Variants in PTPN12 observed in about 807,000 individuals in gnomAD.
The protein encoded by PTPN12 is tyrosine-protein phosphatase non-receptor type 12.
PTPN12 carries 29 observed loss-of-function variants against 97.6 expected under a neutral mutation model. The ratio of observed to expected loss-of-function variants is 0.30; its 90% CI spans 0.22 to 0.41. The LOEUF (loss-of-function observed/expected upper bound fraction) is 0.41, where lower values mean the gene tolerates loss of function less well. Among genes scored for constraint, PTPN12 ranks in the 10% least tolerant of loss-of-function variants. The pLI, the probability that PTPN12 is intolerant of heterozygous loss-of-function variation, is 1.00. For synonymous variants in PTPN12, 327 were observed against 300.4 expected (o/e 1.09, Z -0.91); for missense variants, 819 against 926.0 (o/e 0.88, Z 1.50).
intron 8 of PTPN12, 56 bp downstream of exon 8, chr7:77,600,862 A>G (rs898428983): frequency 7.1e-6 from 10 of 1,413,276 alleles, no homozygotes; most frequent in African/African-American, 2.9e-5. Flanking sequence ...ATGTTACACA[A>G]GGTTTTATTT....
chr7:77,570,911 A>G (rs1266591526), intron 1 of PTPN12, among the ~76,000 whole-genome samples, 167 bp from the exon 2 acceptor site: 1 of 152,216 alleles, frequency 6.6e-6, no homozygotes, highest in Non-Finnish European at 1.5e-5. Context: ...GTTTGCACTT[A>G]TGCTATAAAA....
In PTPN12 at chr7:77,627,326, T is replaced by C; in HGVS notation, c.1647T>C (p.Asp549=). Residue 549 remains aspartate, a synonymous_variant, in exon 13 of 18, where the codon GAT becomes GAC. Coordinates refer to ENST00000248594, the MANE Select transcript of PTPN12 (RefSeq NM_002835.4). ...CTGAAAATGCCATACCCATACCTGA[T>C]TTATCTGAAGGCAATTCCTCAGATA... is the stretch of plus-strand genomic sequence containing the variant. ...HGPENAIPIP[D]LSEGNSSDIN... 6.2e-7 allele frequency: 1 copy of C among 1,614,186 alleles called. No individual in the cohort carries two copies. The highest frequency in any genetic ancestry group is 8.5e-7 in the Non-Finnish European group (1 of 1,180,026).
chr7:77,639,566 T>G lies in PTPN12; in HGVS notation c.*286T>G, dbSNP rs1004559932. The G allele has an allele frequency of 6.3e-6, 2 of 315,016 alleles. No individual in the cohort carries two copies. The highest frequency in any genetic ancestry group is 1.2e-5 in the Non-Finnish European group (2 of 172,548). The allele number at this position is 315,016 out of a possible 1,614,324, so 19.5% of individuals were successfully genotyped here. On this transcript the variant is annotated 3_prime_UTR_variant, in exon 18 of 18. Transcript: ENST00000248594. ...GTAATACCTTTATGATATATTGAGT[T>G]TAAGGACTACTCTTTTTCTGTTTTA...
chr7:77,574,699 G>A (rs977155352), intron 2 of PTPN12, among the ~76,000 whole-genome samples: 1 of 152,224 alleles, frequency 6.6e-6, no homozygotes, highest in Non-Finnish European at 1.5e-5. Context: ...TGTCAGCGTT[G>A]AGAGACCTTG....
chr7:77,600,936 C>T, intron 8 of PTPN12, 130 bp downstream of exon 8: 1 of 767,860 alleles, frequency 1.3e-6, no homozygotes, highest in East Asian at 2.7e-5. Context: ...GGGACTAGGG[C>T]CTTGTAAGTT....
At chr7:77,606,243 T>C (rs1788370426) in intron 8 of PTPN12, among the ~76,000 whole-genome samples, 2 of 152,284 alleles carry the variant, frequency 1.3e-5, no homozygotes, top group Admixed American at 6.5e-5. Context: ...CATGAGCCCC[T>C]GCGCCCAGCC....
chr7:77,600,885 G>C, intron 8 of PTPN12, 79 bp downstream of exon 8: 1 of 1,228,706 alleles, frequency 8.1e-7, no homozygotes, highest in Non-Finnish European at 1.1e-6. Flanking sequence ...GCATTAATAT[G>C]TTAGTAATCT....
chr7:77,636,812 T>G (rs972668603), intron 15 of PTPN12: 2 of 431,894 alleles, frequency 4.6e-6, no homozygotes, highest in African/African-American at 4.0e-5. Flanking sequence ...TTTTCAGTGC[T>G]CATCCAGAAA....
At chr7:77,623,012 CAAA>C (rs34769333) in intron 12 of PTPN12, among the ~76,000 whole-genome samples, 2 of 118,164 alleles carry the variant, frequency 1.7e-5, no homozygotes, top group South Asian at 2.7e-4. Context: ...AAGAAATTAG[CAAA>C]AAAAAAAAAG....
At chr7:77,548,064 T>C (rs1562704172) in intron 1 of PTPN12, among the ~76,000 whole-genome samples, 1 of 152,230 alleles carries the variant, frequency 6.6e-6, no homozygotes, top group Non-Finnish European at 1.5e-5. Flanking sequence ...TGAGTCCTTG[T>C]CACATGGTAA....
chr7:77,572,498 T>G (rs1428402493), intron 2 of PTPN12, among the ~76,000 whole-genome samples: 1 of 152,146 alleles, frequency 6.6e-6, no homozygotes, highest in African/African-American at 2.4e-5. Flanking sequence ...TCTTTCCCTC[T>G]TTTCTCCACT....
At chr7:77,584,498 C>T (rs534959127) in intron 4 of PTPN12, among the ~76,000 whole-genome samples, 1 of 152,170 alleles carries the variant, frequency 6.6e-6, no homozygotes, top group African/African-American at 2.4e-5. Flanking sequence ...TGTCCAAACT[C>T]GGAGAATGTT....
At chr7:77,573,113 A>C (rs1486979092) in intron 2 of PTPN12, among the ~76,000 whole-genome samples, 2 of 147,338 alleles carry the variant, frequency 1.4e-5, no homozygotes, top group Non-Finnish European at 3.0e-5. Flanking sequence ...AACAAAAAAA[A>C]CCAGTGTACC....
intron 12 of PTPN12, among the ~76,000 whole-genome samples, chr7:77,623,531 C>T (rs1484642295): frequency 6.6e-6 from 1 of 152,116 alleles, no homozygotes; most frequent in African/African-American, 2.4e-5. Context: ...GCCAACATGG[C>T]GAAACCCTGT....
At chr7:77,628,936 T>C (rs1789298604) in intron 13 of PTPN12, among the ~76,000 whole-genome samples, 1 of 151,978 alleles carries the variant, frequency 6.6e-6, no homozygotes, top group Non-Finnish European at 1.5e-5. Context: ...CTTGAGAGAG[T>C]GTATTTGGTA....
chr7:77,556,911 C>G (rs1237227540), intron 1 of PTPN12, among the ~76,000 whole-genome samples: 1 of 151,818 alleles, frequency 6.6e-6, no homozygotes, highest in Admixed American at 6.6e-5. Context: ...GGAGGTAAAA[C>G]AAAAATGTGG....
intron 8 of PTPN12, among the ~76,000 whole-genome samples, chr7:77,604,171 A>T: frequency 7.4e-6 from 1 of 135,280 alleles, no homozygotes; most frequent in Non-Finnish European, 1.5e-5. Flanking sequence ...TACAGGTGTG[A>T]GCCACGGTTC....
rs748338638 is a variant in PTPN12, at chr7:77,592,238, A to G, written c.474A>G (p.Ala158=). ...PLYGEDPITF[A]PFKISCEDEQ... The stretch of plus-strand genomic sequence containing the variant: ...ATGGAGAAGACCCCATAACGTTTGC[A>G]CCATTTAAAATTTCTTGTGTAAGTA... Residue 158 remains alanine (A), a synonymous_variant, in exon 6 of 18, where the codon GCA becomes GCG. Coordinates refer to ENST00000248594, the MANE Select transcript of PTPN12 (RefSeq NM_002835.4). 5.0e-6 allele frequency: 8 copies of G among 1,609,000 alleles called. No individual in the cohort carries two copies. Among genetic ancestry groups the G allele is most frequent in the Middle Eastern group, 1.6e-4 (1 of 6,072 alleles).
chr7:77,595,331 A>G (rs1382058432), intron 6 of PTPN12, among the ~76,000 whole-genome samples: 1 of 152,236 alleles, frequency 6.6e-6, no homozygotes. Flanking sequence ...TATTCGTAGT[A>G]AGTCATTTGA....
Sources: gnomAD v4.1 joint callset for allele counts (sites outside exome capture counted in the v4.1 genomes callset) on GRCh38, gnomAD v4.1.1 for gene constraint, MANE v1.5 for transcripts, NCBI Gene and HGNC (gene_info 2026-07-23, HGNC 2026-07-21) for gene names.